SYNPR: variants seen among roughly 807,000 people sequenced by gnomAD.
SYNPR encodes synaptoporin.
A neutral mutation model predicts 32.9 loss-of-function variants in SYNPR; 23 were observed. That is an observed-to-expected ratio of 0.70 (90% CI 0.50 to 0.99). The LOEUF (loss-of-function observed/expected upper bound fraction) is 0.99, where lower values mean the gene tolerates loss of function less well. Ranked by LOEUF, SYNPR falls within the 50% of genes least tolerant of loss-of-function variation. The probability of loss-of-function intolerance (pLI) is 0.00; values close to 1 mark genes in which losing one functional copy is unlikely to be tolerated. For synonymous variants in SYNPR, 146 were observed against 135.9 expected (o/e 1.07, Z -0.52); for missense variants, 318 against 349.3 (o/e 0.91, Z 0.71).
At chr3:63,408,316 G>GAAAGAAAGAAAGAAAGAAAGACAGAA (rs1249928909) in intron 2 of SYNPR, among the ~76,000 whole-genome samples, 1 of 92,820 alleles carries the variant, frequency 1.1e-5, no homozygotes, top group African/African-American at 5.4e-5. Flanking sequence ...AGGAAGGAAG[G>GAAAGAAAGAAAGAAAGAAAGACAGAA]AAGGAAAGAA....
At chr3:63,479,457 T>C (rs1993087) in intron 2 of SYNPR, among the ~76,000 whole-genome samples, 64,532 of 150,826 alleles carry the variant, frequency 0.43, 13,733 homozygotes, top group East Asian at 0.49. Flanking sequence ...CACACACACA[T>C]ACACACACAC....
chr3:63,482,242 C>T (rs2106699910), intron 3 of SYNPR, among the ~76,000 whole-genome samples: 1 of 152,250 alleles, frequency 6.6e-6, no homozygotes, highest in African/African-American at 2.4e-5. Context: ...AAATGATTGG[C>T]CCAGTGAAAG....
chr3:63,383,240 T>C (rs979135506), intron 2 of SYNPR, among the ~76,000 whole-genome samples: 89 of 152,278 alleles, frequency 5.8e-4, no homozygotes, highest in Middle Eastern at 3.4e-3. Context: ...TCTGAACAAA[T>C]TGATAATAAA....
chr3:63,371,312 G>A (rs2087809637), intron 2 of SYNPR, among the ~76,000 whole-genome samples: 2 of 152,022 alleles, frequency 1.3e-5, no homozygotes, highest in African/African-American at 4.8e-5. Flanking sequence ...CACACATGGA[G>A]TCCTAGGAGC....
At chr3:63,253,651 A>T (rs1326644023) in intron 2 of SYNPR, among the ~76,000 whole-genome samples, 1 of 152,316 alleles carries the variant, frequency 6.6e-6, no homozygotes, top group East Asian at 1.9e-4. Flanking sequence ...GGCGATCATT[A>T]AAAAGTCAGG....
chr3:63,365,546 A>G (rs1363950154), intron 2 of SYNPR, among the ~76,000 whole-genome samples: 1 of 152,236 alleles, frequency 6.6e-6, no homozygotes, highest in African/African-American at 2.4e-5. Flanking sequence ...CTGAAGAATT[A>G]CTGACAAGAA....
At chr3:63,473,983 G>A (rs140357153) in intron 2 of SYNPR, among the ~76,000 whole-genome samples, 99 of 152,274 alleles carry the variant, frequency 6.5e-4, no homozygotes, top group African/African-American at 2.1e-3. Context: ...ATTCTGAGAC[G>A]AGAATTTTGG....
intron 3 of SYNPR, among the ~76,000 whole-genome samples, chr3:63,528,397 G>C (rs371076235): frequency 4.9e-4 from 74 of 152,128 alleles, no homozygotes; most frequent in African/African-American, 1.7e-3. Flanking sequence ...CAGATTTACT[G>C]TTTTTCCATG....
intron 2 of SYNPR, among the ~76,000 whole-genome samples, chr3:63,309,072 T>C (rs1369305832): frequency 6.6e-6 from 1 of 152,002 alleles, no homozygotes; most frequent in East Asian, 1.9e-4. Flanking sequence ...TTGGATAGTT[T>C]CCTTTGCTAT....
intron 2 of SYNPR, among the ~76,000 whole-genome samples, chr3:63,387,218 A>G (rs1445878969): frequency 6.6e-6 from 1 of 152,230 alleles, no homozygotes; most frequent in African/African-American, 2.4e-5. Flanking sequence ...AATTTTCACC[A>G]TATCCATTCT....
intron 2 of SYNPR, among the ~76,000 whole-genome samples, chr3:63,292,264 A>G (rs537717895): frequency 6.6e-6 from 1 of 152,320 alleles, no homozygotes; most frequent in East Asian, 1.9e-4. Context: ...TGGGGATATA[A>G]TGTGATATTT....
chr3:63,408,317 AAG>A (rs2088411563), intron 2 of SYNPR, among the ~76,000 whole-genome samples: 1 of 119,562 alleles, frequency 8.4e-6, no homozygotes, highest in Non-Finnish European at 1.7e-5. Flanking sequence ...GGAAGGAAGG[AAG>A]GAAAGAAAGA....
At chr3:63,481,891 A>G (rs1006946994) in intron 3 of SYNPR, among the ~76,000 whole-genome samples, 1 of 152,166 alleles carries the variant, frequency 6.6e-6, no homozygotes, top group African/African-American at 2.4e-5. Flanking sequence ...GTAACATTAT[A>G]CATGAGATCA....
At chr3:63,357,413 C>T (rs776247237) in intron 2 of SYNPR, among the ~76,000 whole-genome samples, 1 of 152,168 alleles carries the variant, frequency 6.6e-6, no homozygotes, top group Non-Finnish European at 1.5e-5. Flanking sequence ...TGCTTTTCTT[C>T]CATCTCAGCT....
chr3:63,601,936 T>G (rs1700050909), intron 4 of SYNPR, among the ~76,000 whole-genome samples: 1 of 152,232 alleles, frequency 6.6e-6, no homozygotes, highest in Non-Finnish European at 1.5e-5. Flanking sequence ...TGAACTAGTT[T>G]ACGCTCCTAC....
chr3:63,417,885 C>T (rs938538298), intron 2 of SYNPR, among the ~76,000 whole-genome samples: 10 of 152,178 alleles, frequency 6.6e-5, no homozygotes, highest in South Asian at 6.2e-4. Context: ...CCAAGGCCTC[C>T]GGGCCTGTGA....
chr3:63,296,402 C>T (rs1029733942), intron 2 of SYNPR, among the ~76,000 whole-genome samples: 13 of 152,170 alleles, frequency 8.5e-5, no homozygotes, highest in Non-Finnish European at 1.8e-4. Context: ...TCTTGCCTTC[C>T]CCAGGGACTG....
chr3:63,605,106 G>A (rs1262025006), intron 4 of SYNPR, among the ~76,000 whole-genome samples: 2 of 152,172 alleles, frequency 1.3e-5, no homozygotes, highest in Non-Finnish European at 2.9e-5. Context: ...CCATGGAACT[G>A]ACATCTTATG....
intron 3 of SYNPR, among the ~76,000 whole-genome samples, chr3:63,504,004 T>C (rs1164766042): frequency 1.3e-5 from 2 of 152,164 alleles, no homozygotes; most frequent in East Asian, 1.9e-4. Flanking sequence ...TTTGTGAATC[T>C]AGTGGATTTT....
Sources: allele counts gnomAD v4.1 joint callset (sites outside exome capture counted in the v4.1 genomes callset), GRCh38; gene constraint gnomAD v4.1.1; transcripts MANE v1.5; gene names NCBI Gene and HGNC (gene_info 2026-07-23, HGNC 2026-07-21).